SOX5: variants seen among roughly 807,000 people sequenced by gnomAD.
SOX5 encodes transcription factor SOX-5.
SOX5 carries 9 observed loss-of-function variants against 92.0 expected under a neutral mutation model. The observed-to-expected ratio is 0.10, with a 90% confidence interval of 0.06 to 0.17. SOX5 has a LOEUF of 0.17. Ranked by LOEUF, SOX5 falls within the 10% of genes least tolerant of loss-of-function variation. The pLI, the probability that SOX5 is intolerant of heterozygous loss-of-function variation, is 1.00. For synonymous variants in SOX5, 344 were observed against 336.3 expected (o/e 1.02, Z -0.25); for missense variants, 642 against 944.5 (o/e 0.68, Z 4.20).
chr12:24,173,905 G>A (rs1474001228), intron 4 of SOX5, among the ~76,000 whole-genome samples: 1 of 152,172 alleles, frequency 6.6e-6, no homozygotes, highest in Non-Finnish European at 1.5e-5. Flanking sequence ...GGAGCAGCAT[G>A]CAAAAGTGCA....
At chr12:24,417,810 C>G (rs545544930) in intron 1 of SOX5, among the ~76,000 whole-genome samples, 1 of 152,138 alleles carries the variant, frequency 6.6e-6, no homozygotes, top group Non-Finnish European at 1.5e-5. Flanking sequence ...CCAGGACACT[C>G]TCTGACCTGG....
chr12:24,262,883 G>C (rs1254270718), intron 3 of SOX5, among the ~76,000 whole-genome samples: 1 of 152,132 alleles, frequency 6.6e-6, no homozygotes, highest in African/African-American at 2.4e-5. Context: ...ACCATCAATA[G>C]ACTGGGAGTG....
intron 2 of SOX5, among the ~76,000 whole-genome samples, chr12:24,353,475 G>C (rs1362246647): frequency 2.6e-5 from 4 of 152,166 alleles, no homozygotes; most frequent in Non-Finnish European, 1.5e-5. Flanking sequence ...TTTGAAGCTA[G>C]GAGTTCAGAT....
intron 1 of SOX5, among the ~76,000 whole-genome samples, chr12:24,549,794 T>C (rs573890270): frequency 6.6e-6 from 1 of 152,244 alleles, no homozygotes; most frequent in Non-Finnish European, 1.5e-5. Flanking sequence ...CCATGTGTGG[T>C]ACCCAGGCAC....
intron 1 of SOX5, among the ~76,000 whole-genome samples, chr12:24,527,639 T>G (rs1041821855): frequency 2.0e-5 from 3 of 152,214 alleles, no homozygotes; most frequent in Non-Finnish European, 4.4e-5. Flanking sequence ...TCCTAAAGTA[T>G]TGCTTCACAT....
At chr12:24,553,610 C>A (rs151254039) in intron 1 of SOX5, among the ~76,000 whole-genome samples, 119 of 152,346 alleles carry the variant, frequency 7.8e-4, no homozygotes, top group African/African-American at 2.7e-3. Context: ...TTATGTCACC[C>A]TATGGTTACC....
chr12:24,554,604 T>C (rs563509860), intron 1 of SOX5, among the ~76,000 whole-genome samples: 12 of 152,210 alleles, frequency 7.9e-5, no homozygotes, highest in African/African-American at 2.4e-4. Context: ...TTTCCCACAG[T>C]ACAACACAGA....
intron 4 of SOX5, among the ~76,000 whole-genome samples, chr12:24,069,085 C>T (rs745780004): frequency 2.0e-5 from 3 of 151,134 alleles, no homozygotes; most frequent in Non-Finnish European, 4.4e-5. Context: ...TTTGCATTGT[C>T]AAATGAAACT....
At chr12:24,513,546 A>G (rs1379026771) in intron 1 of SOX5, among the ~76,000 whole-genome samples, 1 of 152,206 alleles carries the variant, frequency 6.6e-6, no homozygotes, top group Non-Finnish European at 1.5e-5. Context: ...CAACAATCAG[A>G]GGGTCAAATT....
At chr12:24,317,622 C>T (rs1350345946) in intron 2 of SOX5, among the ~76,000 whole-genome samples, 1 of 152,134 alleles carries the variant, frequency 6.6e-6, no homozygotes, top group African/African-American at 2.4e-5. Context: ...CCATAGTTTC[C>T]TTCTCACACA....
intron 8 of SOX5, among the ~76,000 whole-genome samples, chr12:23,632,566 G>C (rs983476644): frequency 6.6e-6 from 1 of 151,956 alleles, no homozygotes; most frequent in Admixed American, 6.6e-5. Flanking sequence ...CACAGTGCTG[G>C]GAAATATGGA....
At position 24,393,703 on chromosome 12, in the gene SOX5, T is replaced by C. The variant is rs1596247321; in HGVS notation, c.-250-25064A>G. On this transcript the variant is annotated intron_variant, in intron 1 of 4. Coordinates refer to the SOX5 transcript ENST00000446891. This position sits in a 1 kb window ranked among gnomAD's most constrained non-coding sequence, Gnocchi z 5.0. ...AGAAATTATTAAAATTTGGCAAAACTTTTCTATTCTTTAAAAAATTATGAC... is the reference window on the plus strand; with the variant it reads ...AGAAATTATTAAAATTTGGCAAAACCTTTCTATTCTTTAAAAAATTATGAC... Among the ~76,000 whole-genome samples, 1 of 152,340 alleles carries C rather than the reference T, an allele frequency of 6.6e-6. No homozygotes were observed. Among genetic ancestry groups the C allele is most frequent in the Non-Finnish European group, 1.5e-5 (1 of 68,028 alleles).
intron 2 of SOX5, among the ~76,000 whole-genome samples, chr12:23,878,089 C>A (rs2096948506): frequency 6.6e-6 from 1 of 151,966 alleles, no homozygotes; most frequent in Non-Finnish European, 1.5e-5. Context: ...GAACTTCGAT[C>A]ATTTCACATG....
At chr12:24,527,070 G>T (rs968625020) in intron 1 of SOX5, among the ~76,000 whole-genome samples, 2 of 152,060 alleles carry the variant, frequency 1.3e-5, no homozygotes, top group Non-Finnish European at 2.9e-5. Flanking sequence ...GGGATTACAG[G>T]CATGAGCCAC....
intron 1 of SOX5, among the ~76,000 whole-genome samples, chr12:24,485,714 C>T (rs998029515): frequency 2.0e-5 from 3 of 152,180 alleles, no homozygotes; most frequent in South Asian, 2.1e-4. Flanking sequence ...CACAGTAAGG[C>T]CTATAATATG....
chr12:23,635,044 A>G (rs2079043627), intron 8 of SOX5, among the ~76,000 whole-genome samples: 1 of 152,186 alleles, frequency 6.6e-6, no homozygotes, highest in African/African-American at 2.4e-5. Context: ...TAGATGCTAG[A>G]AAGTATGATT....
At position 23,536,339 on chromosome 12, in the gene SOX5, T is replaced by C. The variant is rs1940445868; in HGVS notation, c.1988+114A>G. On this transcript the variant is annotated intron_variant, in intron 14 of 14. Coordinates refer to ENST00000451604, the MANE Select transcript of SOX5 (RefSeq NM_006940.6). ...AGACTATTTGTCTCTGAAAATACTG[T>C]GAGCTCAGATTCTTTTTCAAAATGT... is the stretch of plus-strand genomic sequence containing the variant. The C allele has an allele frequency of 6.0e-5, 48 of 805,134 alleles. No homozygotes were observed. In the South Asian group the frequency reaches 7.5e-4, roughly 12 times the overall value. The allele number at this position is 805,134 out of a possible 1,614,324, so 49.9% of individuals were successfully genotyped here.
At chr12:23,579,558 T>C (rs984591873) in intron 9 of SOX5, among the ~76,000 whole-genome samples, 2 of 152,168 alleles carry the variant, frequency 1.3e-5, no homozygotes, top group Non-Finnish European at 2.9e-5. Context: ...CTATTAATTA[T>C]TTTTCATTTG....
intron 4 of SOX5, among the ~76,000 whole-genome samples, chr12:24,117,982 G>A (rs867334487): frequency 8.8e-5 from 12 of 136,342 alleles, no homozygotes; most frequent in African/African-American, 1.7e-4. Context: ...TGGTGCCACC[G>A]CATTCCAGCC....
Sources: allele counts gnomAD v4.1 joint callset (sites outside exome capture counted in the v4.1 genomes callset), GRCh38; gene constraint gnomAD v4.1.1; non-coding constraint Gnocchi (gnomAD v3.1); transcripts MANE v1.5; gene names NCBI Gene and HGNC (gene_info 2026-07-23, HGNC 2026-07-21).